The following AFF3 variants were observed in gnomAD, a reference collection of about 807,000 sequenced individuals.
AFF3 encodes the protein AF4/FMR2 family member 3.
A neutral mutation model predicts 129.7 loss-of-function variants in AFF3; 32 were observed. That is an observed-to-expected ratio of 0.25 (90% CI 0.19 to 0.33). The LOEUF is 0.33. AFF3 is among the 10% of genes least tolerant of loss of function. AFF3 has a pLI of 1.00. For missense variants in AFF3, 1,373 were observed against 1,592.0 expected (o/e 0.86, Z 2.34); for synonymous variants, 644 against 635.4 (o/e 1.01, Z -0.20).
Position 100,105,975 on chromosome 2 carries a change from C to T in AFF3, c.-144-392G>A, listed in dbSNP as rs762751197. ...GACTGGGGCTGCCAGAAATGTAAACCCTGGGTGCAAGTGACGGGATCCCTC... is the reference window on the plus strand; with the variant it reads ...GACTGGGGCTGCCAGAAATGTAAACTCTGGGTGCAAGTGACGGGATCCCTC... On this transcript the variant is annotated intron_variant, in intron 2 of 24. Coordinates refer to ENST00000672756, the MANE Select transcript of AFF3 (RefSeq NM_001386135.1). The T allele has an allele frequency of 3.0e-6, 4 of 1,326,706 alleles. No homozygotes were observed. In the South Asian group the frequency reaches 4.9e-5, roughly 16 times the overall value. 82.2% of individuals were successfully genotyped at this position (1,326,706 alleles called of 1,614,324 possible).
At position 100,006,851 on chromosome 2, in the gene AFF3, T is replaced by A. The variant is rs373262877; in HGVS notation, c.654A>T (p.Pro218=). The change falls in exon 7 of 25, where the codon CCA becomes CCT. Residue 218 remains proline, a synonymous_variant. Transcript: ENST00000672756. ...SSGHCVQNFP[P]SLASKPSLVQ... ...CCAGGCTGGGTTTTGAAGCTAGGGA[T>A]GGAGGAAAGTTCTGAACACAGTGTC... is the stretch of plus-strand genomic sequence containing the variant. 1.2e-4 allele frequency: 187 copies of A among 1,614,074 alleles called. No individual in the cohort carries two copies. The highest frequency in any genetic ancestry group is 1.5e-4 in the Non-Finnish European group (177 of 1,180,040).
At chr2:99,684,902 C>CA (rs985941979) in intron 11 of AFF3, among the ~76,000 whole-genome samples, 9 of 150,820 alleles carry the variant, frequency 6.0e-5, no homozygotes, top group Admixed American at 3.3e-4. Context: ...ACTCTAATCT[C>CA]AAAAAAACTC....
rs1216540271 is a variant in AFF3, at chr2:100,006,680, G to T, written c.825C>A (p.Ala275=). The T allele has an allele frequency of 6.2e-7, 1 of 1,613,308 alleles. No homozygotes were observed. The highest frequency in any genetic ancestry group is 8.5e-7 in the Non-Finnish European group (1 of 1,179,294). The change falls in exon 7 of 25, where the codon GCC becomes GCA. Residue 275 remains alanine, a synonymous_variant. Coordinates refer to ENST00000672756, the MANE Select transcript of AFF3 (RefSeq NM_001386135.1). ...RGVPASKPEP[A]RAKAKLSKFS... ...ACTTGGAGAGCTTGGCCTTGGCTCT[G>T]GCAGGCTCCGGCTTGCTGGCAGGGA... is the stretch of plus-strand genomic sequence containing the variant.
chr2:99,801,939 C>T (rs1327087655), intron 8 of AFF3, among the ~76,000 whole-genome samples: 1 of 152,174 alleles, frequency 6.6e-6, no homozygotes, highest in African/African-American at 2.4e-5. Flanking sequence ...TTGTTAAATG[C>T]ATGCATATGC....
intron 13 of AFF3, among the ~76,000 whole-genome samples, chr2:99,648,915 A>ACTCTCTCTCTCTCTCTCTCT (rs1275377590): frequency 2.5e-4 from 9 of 35,538 alleles, no homozygotes; most frequent in African/African-American, 6.2e-4. Context: ...ACACACACAC[A>ACTCTCTCTCTCTCTCTCTCT]CACTCTCTCT....
intron 7 of AFF3, among the ~76,000 whole-genome samples, chr2:99,841,182 T>C (rs979500316): frequency 2.0e-5 from 3 of 152,252 alleles, no homozygotes; most frequent in African/African-American, 7.2e-5. Flanking sequence ...ATGTAGTTTA[T>C]ATAAATGACA....
intron 7 of AFF3, among the ~76,000 whole-genome samples, chr2:99,868,029 T>TTTTTTTG: frequency 6.6e-6 from 1 of 151,660 alleles, no homozygotes. Flanking sequence ...TTTTTTTTTT[T>TTTTTTTG]TTTAGGTCCT....
chr2:99,917,485 A>C (rs1362388222), intron 7 of AFF3, among the ~76,000 whole-genome samples: 1 of 152,152 alleles, frequency 6.6e-6, no homozygotes, highest in Non-Finnish European at 1.5e-5. Flanking sequence ...TTTTTGTGTG[A>C]GTTCTGCCCT....
intron 9 of AFF3, among the ~76,000 whole-genome samples, chr2:99,750,462 G>C (rs1171534955): frequency 6.9e-6 from 1 of 143,988 alleles, no homozygotes; most frequent in Non-Finnish European, 1.5e-5. Context: ...TCACCCAGGC[G>C]AGAGTGCAGT....
chr2:100,047,649 G>A (rs1022141319), intron 4 of AFF3, among the ~76,000 whole-genome samples: 7 of 152,152 alleles, frequency 4.6e-5, no homozygotes, highest in South Asian at 2.1e-4. Flanking sequence ...AAAAGTCAGC[G>A]ATTAGCTCTA....
intron 8 of AFF3, among the ~76,000 whole-genome samples, chr2:99,817,211 C>T (rs1687308862): frequency 6.6e-6 from 1 of 152,180 alleles, no homozygotes; most frequent in African/African-American, 2.4e-5. Flanking sequence ...GGGCACCTGG[C>T]AGAGGAGACG....
At chr2:99,971,357 A>G (rs1229896931) in intron 7 of AFF3, among the ~76,000 whole-genome samples, 3 of 152,098 alleles carry the variant, frequency 2.0e-5, no homozygotes. Flanking sequence ...CTAAACCTTA[A>G]TTTCTACCAC....
In AFF3 at chr2:100,006,650, G is replaced by A. The variant is rs778603007; in HGVS notation, c.855C>T (p.Ser285=). 6.2e-7 allele frequency: 1 copy of A among 1,607,516 alleles called. No homozygotes were observed. The highest frequency in any genetic ancestry group is 8.5e-7 in the Non-Finnish European group (1 of 1,174,500). The change falls in exon 7 of 25, where the codon AGC becomes AGT. Residue 285 remains serine, a synonymous_variant. Transcript: ENST00000672756. ...ARAKAKLSKF[S]IPKQGEESRS... is the part of the protein sequence containing the mutation. Reference sequence around the variant, plus strand: ...GACTCACCTCCCCCTGCTTGGGGATGCTGAACTTGGAGAGCTTGGCCTTGG... The same window carrying A: ...GACTCACCTCCCCCTGCTTGGGGATACTGAACTTGGAGAGCTTGGCCTTGG...
intron 7 of AFF3, among the ~76,000 whole-genome samples, chr2:100,001,709 A>C (rs910313326): frequency 1.3e-5 from 2 of 152,236 alleles, no homozygotes; most frequent in Admixed American, 6.5e-5. Flanking sequence ...TACAGGCGTT[A>C]AGCCACTGCG....
intron 9 of AFF3, among the ~76,000 whole-genome samples, chr2:99,744,795 A>G (rs1170431933): frequency 6.6e-6 from 1 of 152,122 alleles, no homozygotes; most frequent in Non-Finnish European, 1.5e-5. Context: ...GTTAATGGGT[A>G]TTTGGGCTGT....
chr2:99,851,424 G>A (rs534615596), intron 7 of AFF3, among the ~76,000 whole-genome samples: 76 of 152,286 alleles, frequency 5.0e-4, no homozygotes, highest in African/African-American at 1.8e-3. Flanking sequence ...TATTGTGAAG[G>A]CCAGTGGAGA....
intron 2 of AFF3, among the ~76,000 whole-genome samples, chr2:100,116,222 C>T (rs538165573): frequency 1.2e-3 from 182 of 151,736 alleles, no homozygotes; most frequent in Admixed American, 3.9e-3. Flanking sequence ...TTTTGCCTTT[C>T]TATATCCTTA....
intron 2 of AFF3, among the ~76,000 whole-genome samples, chr2:100,126,381 AT>A (rs1158605189): frequency 1.3e-5 from 2 of 152,210 alleles, no homozygotes; most frequent in Non-Finnish European, 2.9e-5. Flanking sequence ...TATGGGCTCT[AT>A]TCTGAAGAAG....
At chr2:100,056,178 GA>G (rs1264055815) in intron 4 of AFF3, among the ~76,000 whole-genome samples, 8 of 151,744 alleles carry the variant, frequency 5.3e-5, no homozygotes, top group African/African-American at 1.9e-4. Context: ...TCTTGTCTGT[GA>G]CACCAGAGAC....
Sources: gnomAD v4.1 joint callset for allele counts (sites outside exome capture counted in the v4.1 genomes callset) on GRCh38, gnomAD v4.1.1 for gene constraint, MANE v1.5 for transcripts, NCBI Gene and HGNC (gene_info 2026-07-23, HGNC 2026-07-21) for gene names.